DOCK1: variants seen among roughly 807,000 people sequenced by gnomAD.
DOCK1 encodes dedicator of cytokinesis protein 1.
A neutral mutation model predicts 262.7 loss-of-function variants in DOCK1; 138 were observed. The observed-to-expected ratio is 0.53, with a 90% CI of 0.46 to 0.61. DOCK1 has a LOEUF of 0.61. Among genes scored for constraint, DOCK1 ranks in the 20% least tolerant of loss-of-function variants. The probability of loss-of-function intolerance (pLI) is 0.00; values close to 1 mark genes in which losing one functional copy is unlikely to be tolerated. For missense variants in DOCK1, 1,908 were observed against 2,370.7 expected, an observed-to-expected ratio of 0.80 and a Z score of 4.05; for synonymous variants, 866 against 867.4, an observed-to-expected ratio of 1.00 and a Z score of 0.03.
At chr10:127,339,419 G>A (rs1388239861) in intron 30 of DOCK1, among the ~76,000 whole-genome samples, 1 of 152,138 alleles carries the variant, frequency 6.6e-6, no homozygotes, top group Non-Finnish European at 1.5e-5. Context: ...ACTGTGGAGG[G>A]AGGATCAGCA....
chr10:127,271,106 TC>T, intron 29 of DOCK1, among the ~76,000 whole-genome samples: 1 of 152,118 alleles, frequency 6.6e-6, no homozygotes, highest in South Asian at 2.1e-4. Flanking sequence ...GATATCTTTC[TC>T]CACTCAGTGA....
chr10:127,331,436 C>T (rs540509611), intron 29 of DOCK1, among the ~76,000 whole-genome samples: 1 of 152,278 alleles, frequency 6.6e-6, no homozygotes, highest in Non-Finnish European at 1.5e-5. Flanking sequence ...CGCCTGCCAC[C>T]ATGCCCGGGT....
chr10:127,235,119 ATATACTTTG>A (rs1235481906), intron 27 of DOCK1, among the ~76,000 whole-genome samples: 1 of 150,112 alleles, frequency 6.7e-6, no homozygotes, highest in African/African-American at 2.4e-5. Flanking sequence ...TTTAAACATT[ATATACTTTG>A]TATACTTTAT....
At chr10:127,316,699 G>T (rs2062298170) in intron 29 of DOCK1, among the ~76,000 whole-genome samples, 1 of 152,094 alleles carries the variant, frequency 6.6e-6, no homozygotes, top group South Asian at 2.1e-4. Context: ...ACTGAGGGTG[G>T]GTTTATGAGC....
intron 38 of DOCK1, among the ~76,000 whole-genome samples, chr10:127,398,014 T>G (rs2067015976): frequency 6.6e-6 from 1 of 152,122 alleles, no homozygotes; most frequent in Non-Finnish European, 1.5e-5. Context: ...TCCCGTGTGA[T>G]GGGGCTCCTG....
intron 27 of DOCK1, among the ~76,000 whole-genome samples, chr10:127,179,771 C>T (rs1589805080): frequency 6.6e-6 from 1 of 152,198 alleles, no homozygotes; most frequent in African/African-American, 2.4e-5. Flanking sequence ...TTCATCATTC[C>T]TTCATGCATT....
intron 27 of DOCK1, among the ~76,000 whole-genome samples, chr10:127,204,233 C>T (rs1046900735): frequency 1.3e-5 from 2 of 152,112 alleles, no homozygotes; most frequent in South Asian, 2.1e-4. Context: ...CATTTGTGTT[C>T]ATTTATTGGC....
chr10:127,129,086 C>T (rs769812869), intron 27 of DOCK1, among the ~76,000 whole-genome samples: 17 of 152,152 alleles, frequency 1.1e-4, no homozygotes, highest in Admixed American at 3.3e-4. Context: ...ATAGTCAGAA[C>T]GGAGCACTGG....
At chr10:126,958,657 C>T (rs2036946039) in intron 1 of DOCK1, among the ~76,000 whole-genome samples, 1 of 152,110 alleles carries the variant, frequency 6.6e-6, no homozygotes, top group African/African-American at 2.4e-5. Flanking sequence ...TATTAGTATA[C>T]TAGAATATGT....
At chr10:127,010,328 G>A (rs1291205038) in intron 11 of DOCK1, among the ~76,000 whole-genome samples, 1 of 152,156 alleles carries the variant, frequency 6.6e-6, no homozygotes, top group African/African-American at 2.4e-5. Context: ...TTAGCCGGGT[G>A]TGGCGGCAGG....
At chr10:127,250,693 G>A (rs1403270602) in intron 28 of DOCK1, among the ~76,000 whole-genome samples, 2 of 148,142 alleles carry the variant, frequency 1.4e-5, no homozygotes, top group Non-Finnish European at 3.0e-5. Flanking sequence ...TGGGGAGGCT[G>A]AAGCAGGAGA....
At chr10:127,431,300 A>T (rs535825021) in intron 47 of DOCK1, among the ~76,000 whole-genome samples, 49 of 152,322 alleles carry the variant, frequency 3.2e-4, no homozygotes, top group African/African-American at 1.2e-3. Context: ...TAGAGGCTCA[A>T]TCAAGAAGGA....
chr10:127,228,190 CT>C (rs1295448737), intron 27 of DOCK1, among the ~76,000 whole-genome samples: 1 of 152,180 alleles, frequency 6.6e-6, no homozygotes, highest in Non-Finnish European at 1.5e-5. Context: ...TATTTGCCTC[CT>C]GCCTGTTTTC....
chr10:127,387,467 G>T (rs56055353), intron 38 of DOCK1, among the ~76,000 whole-genome samples: 4,818 of 152,258 alleles, frequency 0.032, 137 homozygotes, highest in African/African-American at 0.077. Context: ...TGGACTCAAG[G>T]AATGTCTCCC....
chr10:127,197,588 A>C (rs1048008053), intron 27 of DOCK1, among the ~76,000 whole-genome samples: 2 of 152,196 alleles, frequency 1.3e-5, no homozygotes. Context: ...AGGTCAGAGA[A>C]GTAGTGGACC....
intron 29 of DOCK1, among the ~76,000 whole-genome samples, chr10:127,261,364 T>G (rs2060100308): frequency 7.1e-6 from 1 of 141,626 alleles, no homozygotes; most frequent in African/African-American, 2.7e-5. Flanking sequence ...CTCATCTGTG[T>G]GTGTGCATGT....
chr10:127,162,398 T>C (rs1471062271), intron 27 of DOCK1, among the ~76,000 whole-genome samples: 7 of 152,244 alleles, frequency 4.6e-5, no homozygotes, highest in African/African-American at 1.7e-4. Flanking sequence ...AGCATTCTAA[T>C]GCTGAATCTC....
At chr10:127,450,566 TAG>T (rs2070890299) in intron 51 of DOCK1, among the ~76,000 whole-genome samples, 1 of 152,196 alleles carries the variant, frequency 6.6e-6, no homozygotes, top group Admixed American at 6.5e-5. Context: ...CCCATATTTC[TAG>T]AGAGTCTCCT....
chr10:127,039,686 G>A (rs2043889387), intron 19 of DOCK1, among the ~76,000 whole-genome samples: 1 of 152,162 alleles, frequency 6.6e-6, no homozygotes, highest in African/African-American at 2.4e-5. Flanking sequence ...GCCAGGACTT[G>A]AGGAATTCCT....
Sources: allele counts gnomAD v4.1 joint callset (sites outside exome capture counted in the v4.1 genomes callset), GRCh38; gene constraint gnomAD v4.1.1; transcripts MANE v1.5; gene names NCBI Gene and HGNC (gene_info 2026-07-23, HGNC 2026-07-21).